The following NUPR1 variants were observed in gnomAD, a reference collection of about 807,000 sequenced individuals.
NUPR1 encodes nuclear protein 1, transcriptional regulator.
A neutral mutation model predicts 7.3 loss-of-function variants in NUPR1; 8 were observed. That is an observed-to-expected ratio of 1.09 (90% CI 0.64 to 1.97). NUPR1 has a LOEUF of 1.97. Ranked by LOEUF, NUPR1 falls within the 30% of genes most tolerant of loss-of-function variation. The probability of loss-of-function intolerance (pLI) is 0.00; values close to 1 mark genes in which losing one functional copy is unlikely to be tolerated. For missense variants in NUPR1, 96 were observed against 111.7 expected (o/e 0.86, Z 0.63); for synonymous variants, 39 against 44.5 (o/e 0.88, Z 0.49).
chr16:28,535,623 C>CTTTCTTTCTTT lies in NUPR1; in HGVS notation c.*2059_*2060insAAAGAAAGAAA, dbSNP rs58048043. 2.2e-5 allele frequency: 2 copies of CTTTCTTTCTTT among 90,772 alleles called. No homozygotes were observed. The highest frequency in any genetic ancestry group is 9.8e-5 in the African/African-American group (2 of 20,370). 5.6% of individuals were successfully genotyped at this position (90,772 alleles called of 1,614,324 possible). On this transcript the variant is annotated 3_prime_UTR_variant, in exon 3 of 3. Coordinates refer to ENST00000324873, the MANE Select transcript of NUPR1 (RefSeq NM_012385.3). ...TTCTTTCTTTCTTTCTTTCTTTCTT[C>CTTTCTTTCTTT]TCTTTCTCTCTCTTTCTTCTTTTTC... is the stretch of plus-strand genomic sequence containing the variant.
rs2046615600 is a variant in NUPR1, at chr16:28,535,614, T to C, written c.*2069A>G. 1.1e-4 allele frequency: 1 copy of C among 9,046 alleles called. No individual in the cohort carries two copies. Among genetic ancestry groups the C allele is most frequent in the African/African-American group, 1.5e-4 (1 of 6,632 alleles). 0.6% of individuals were successfully genotyped at this position (9,046 alleles called of 1,614,324 possible). The stretch of plus-strand genomic sequence containing the variant: ...TTTCTTTCTTTCTTTCTTTCTTTCT[T>C]TCTTTCTTCTCTTTCTCTCTCTTTC... On this transcript the variant is annotated 3_prime_UTR_variant, in exon 3 of 3. Transcript: ENST00000324873.
At chr16:28,538,721 G>T (rs2046643273) in intron 1 of NUPR1, 75 bp downstream of exon 1, 1 of 1,118,232 alleles carries the variant, frequency 8.9e-7, no homozygotes, top group Non-Finnish European at 1.4e-6. Flanking sequence ...GAAAGGAAAT[G>T]AGAGGAAACA....
chr16:28,538,592 C>G (rs2046642259), intron 1 of NUPR1: 1 of 674,292 alleles, frequency 1.5e-6, no homozygotes, highest in African/African-American at 1.8e-5. Flanking sequence ...ATCACTTGAG[C>G]CCAGGAGTTC....
In NUPR1 at chr16:28,535,520, T is replaced by C. The variant is rs1163506684; in HGVS notation, c.*2163A>G. ...GCTCGCTCTTTTCTTTCTTTCTTTC[T>C]TTCTTTCTTTCTTTCTTTCTTTCCT... On this transcript the variant is annotated 3_prime_UTR_variant, in exon 3 of 3. Coordinates refer to ENST00000324873, the MANE Select transcript of NUPR1 (RefSeq NM_012385.3). The C allele has an allele frequency of 2.9e-5, 2 of 68,182 alleles. No individual in the cohort carries two copies. Among genetic ancestry groups the C allele is most frequent in the African/African-American group, 4.9e-5 (1 of 20,232 alleles). 4.2% of individuals were successfully genotyped at this position (68,182 alleles called of 1,614,324 possible).
chr16:28,538,935 C>A lies in NUPR1; in HGVS notation c.-28G>T. The A allele has an allele frequency of 6.3e-7, 1 of 1,575,428 alleles. No individual in the cohort carries two copies. The highest frequency in any genetic ancestry group is 1.1e-5 in the South Asian group (1 of 89,946). On this transcript the variant is annotated 5_prime_UTR_variant, in exon 1 of 3. Coordinates refer to ENST00000324873, the MANE Select transcript of NUPR1 (RefSeq NM_012385.3). ...TGCCTGGCTTGTCTTCCCTGCCTCT[C>A]TTCTTCTCCTAACGCTTTGTCTGTC...
In NUPR1 at chr16:28,538,822, A is replaced by T. The variant is rs2151634831; in HGVS notation, c.86T>A (p.Leu29His). The T allele has an allele frequency of 6.2e-7, 1 of 1,612,150 alleles. No homozygotes were observed. Among genetic ancestry groups the T allele is most frequent in the South Asian group, 1.1e-5 (1 of 91,014 alleles). ...GAGGTAGGAATGGGCCAGGCTATAG[A>T]GGTCAGATTCATCCAGGCTGGAGTC... ...DEDSSLDESDLYSLAHSYLGG... is the reference protein window; with the variant it reads ...DEDSSLDESDHYSLAHSYLGG... Residue 29 changes from leucine (L) to histidine (H), a missense_variant, in exon 1 of 3, where the codon CTC becomes CAC. Transcript: ENST00000324873.
At position 28,537,332 on chromosome 16, in the gene NUPR1, C is replaced by T. The variant is rs1380302153; in HGVS notation, c.*351G>A. ...AAGCACACACATGCCCGAACAAAAA[C>T]ACACAAAGAACAAGGATGAACACAC... On this transcript the variant is annotated 3_prime_UTR_variant, in exon 3 of 3. Transcript: ENST00000324873. 1 of 152,336 alleles carries T rather than the reference C, an allele frequency of 6.6e-6. No homozygotes were observed. Among genetic ancestry groups the T allele is most frequent in the Non-Finnish European group, 1.5e-5 (1 of 68,104 alleles). 9.4% of individuals were successfully genotyped at this position (152,336 alleles called of 1,614,324 possible).
intron 1 of NUPR1, 62 bp from the exon 2 acceptor site, chr16:28,538,217 A>G (rs762067434): frequency 8.3e-5 from 133 of 1,610,526 alleles, no homozygotes; most frequent in Non-Finnish European, 1.1e-4. Context: ...GCCCTGTCAG[A>G]GGAGAGGCAG....
rs925133488 is a variant in NUPR1, at chr16:28,537,128, T to C, written c.*555A>G. 15 of 152,172 alleles carry C rather than the reference T, an allele frequency of 9.9e-5. No homozygotes were observed. The highest frequency in any genetic ancestry group is 3.6e-4 in the African/African-American group (15 of 41,398). 9.4% of individuals were successfully genotyped at this position (152,172 alleles called of 1,614,324 possible). On this transcript the variant is annotated 3_prime_UTR_variant, in exon 3 of 3. Transcript: ENST00000324873. ...GCAGAAGAAATTCCTTTCCACTACGTAGGAGCCCACAGAAATGTATGCACT... is the reference window on the plus strand; with the variant it reads ...GCAGAAGAAATTCCTTTCCACTACGCAGGAGCCCACAGAAATGTATGCACT...
Position 28,535,568 on chromosome 16 carries a change from C to CTTCTTTCT in NUPR1, c.*2114_*2115insAGAAAGAA, listed in dbSNP as rs1596586532. ...CCTTCTTTCTTTCTTTCTTTCCTTC[C>CTTCTTTCT]TTCCTTTCTTTCTTTCTTTCTTTCT... On this transcript the variant is annotated 3_prime_UTR_variant, in exon 3 of 3. Transcript: ENST00000324873. 6 of 34,998 alleles carry CTTCTTTCT rather than the reference C, an allele frequency of 1.7e-4. No homozygotes were observed. Among genetic ancestry groups the CTTCTTTCT allele is most frequent in the East Asian group, 7.6e-4 (1 of 1,318 alleles). 2.2% of individuals were successfully genotyped at this position (34,998 alleles called of 1,614,324 possible). A position where few individuals can be genotyped will look rare whatever the true frequency, so the allele number is the denominator to read the frequency against.
chr16:28,537,810 C>T (rs1276614655), intron 2 of NUPR1, 141 bp from the exon 3 acceptor site: 8 of 543,818 alleles, frequency 1.5e-5, no homozygotes, highest in Non-Finnish European at 2.6e-5. Context: ...GTCAAATTTC[C>T]CTTCAATTGG....
At position 28,535,596 on chromosome 16, in the gene NUPR1, CTTT is replaced by C. The variant is rs1567277637; in HGVS notation, c.*2084_*2086del. ...CCTTTCTTTCTTTCTTTCTTTCTTT[CTTT>C]CTTTCTTTCTTTCTTTCTTTCTTCT... On this transcript the variant is annotated 3_prime_UTR_variant, in exon 3 of 3. Coordinates refer to ENST00000324873, the MANE Select transcript of NUPR1 (RefSeq NM_012385.3). The C allele has an allele frequency of 1.2e-3, 52 of 42,470 alleles. No homozygotes were observed. The highest frequency in any genetic ancestry group is 7.5e-3 in the African/African-American group (49 of 6,546). The allele number at this position is 42,470 out of a possible 1,614,324, so 2.6% of individuals were successfully genotyped here.
In NUPR1 at chr16:28,535,947, G is replaced by A. The variant is rs2046619271; in HGVS notation, c.*1736C>T. 6.6e-6 allele frequency: 1 copy of A among 152,152 alleles called. No individual in the cohort carries two copies. The highest frequency in any genetic ancestry group is 2.4e-5 in the African/African-American group (1 of 41,448). The allele number at this position is 152,152 out of a possible 1,614,324, so 9.4% of individuals were successfully genotyped here. A position where few individuals can be genotyped will look rare whatever the true frequency, so the allele number is the denominator to read the frequency against. Reference sequence around the variant, plus strand: ...GCTGGTCTCGAACTCCTGGCCTCAAGCGATCCTCCCTCCTTGGCCTCCCAA... The same window carrying A: ...GCTGGTCTCGAACTCCTGGCCTCAAACGATCCTCCCTCCTTGGCCTCCCAA... On this transcript the variant is annotated 3_prime_UTR_variant, in exon 3 of 3. Coordinates refer to ENST00000324873, the MANE Select transcript of NUPR1 (RefSeq NM_012385.3).
rs180814986 is a variant in NUPR1, at chr16:28,534,396, T to C, written c.*3287A>G. ...TCCTGCTCTATCAGGTACTTCGGTC[T>C]TCTGTGGATGTCCTTGGGTCCCCAT... On this transcript the variant is annotated 3_prime_UTR_variant, in exon 3 of 3. Transcript: ENST00000324873. 9.4e-3 allele frequency: 1,438 copies of C among 152,396 alleles called. 7 individuals are homozygous for C. The highest frequency in any genetic ancestry group is 0.013 in the South Asian group (64 of 4,826). 9.4% of individuals were successfully genotyped at this position (152,396 alleles called of 1,614,324 possible). A position where few individuals can be genotyped will look rare whatever the true frequency, so the allele number is the denominator to read the frequency against.
rs894954484 is a variant in NUPR1, at chr16:28,538,913, C to T, written c.-6G>A. The stretch of plus-strand genomic sequence containing the variant: ...GCTGGTGGGAAGGTGGCCATCGTGC[C>T]TGGCTTGTCTTCCCTGCCTCTCTTC... On this transcript the variant is annotated 5_prime_UTR_variant, in exon 1 of 3. Coordinates refer to ENST00000324873, the MANE Select transcript of NUPR1 (RefSeq NM_012385.3). 6.2e-7 allele frequency: 1 copy of T among 1,610,076 alleles called. No homozygotes were observed. Among genetic ancestry groups the T allele is most frequent in the South Asian group, 1.1e-5 (1 of 90,928 alleles).
In NUPR1 at chr16:28,536,387, G is replaced by A. The variant is rs1373151259; in HGVS notation, c.*1296C>T. On this transcript the variant is annotated 3_prime_UTR_variant, in exon 3 of 3. Transcript: ENST00000324873. ...AAAAAACAAAAATTAGCCAGGCGTGGTGGTGCTCACCTGTAATCCCAGCTA... is the reference window on the plus strand; with the variant it reads ...AAAAAACAAAAATTAGCCAGGCGTGATGGTGCTCACCTGTAATCCCAGCTA... The A allele has an allele frequency of 6.6e-6, 1 of 152,012 alleles. No homozygotes were observed. Among genetic ancestry groups the A allele is most frequent in the African/African-American group, 2.4e-5 (1 of 41,404 alleles). 9.4% of individuals were successfully genotyped at this position (152,012 alleles called of 1,614,324 possible). A position where few individuals can be genotyped will look rare whatever the true frequency, so the allele number is the denominator to read the frequency against.
Position 28,536,280 on chromosome 16 carries a change from G to A in NUPR1, c.*1403C>T, listed in dbSNP as rs1431023429. ...AAGCAGGAGAATAGCTTGAACCCAGGAGGCGGAGGTTGCAGTGAGCTGCGA... is the reference window on the plus strand; with the variant it reads ...AAGCAGGAGAATAGCTTGAACCCAGAAGGCGGAGGTTGCAGTGAGCTGCGA... On this transcript the variant is annotated 3_prime_UTR_variant, in exon 3 of 3. Coordinates refer to ENST00000324873, the MANE Select transcript of NUPR1 (RefSeq NM_012385.3). 1 of 152,194 alleles carries A rather than the reference G, an allele frequency of 6.6e-6. No individual in the cohort carries two copies. Among genetic ancestry groups the A allele is most frequent in the African/African-American group, 2.4e-5 (1 of 41,428 alleles). The allele number at this position is 152,194 out of a possible 1,614,324, so 9.4% of individuals were successfully genotyped here.
chr16:28,535,113 C>T lies in NUPR1; in HGVS notation c.*2570G>A, dbSNP rs1484805505. On this transcript the variant is annotated 3_prime_UTR_variant, in exon 3 of 3. Transcript: ENST00000324873. ...GACATAGCACTGAATAAGAATCTCCCTCCCCCATCTCACTTCCCAGAACCC... is the reference window on the plus strand; with the variant it reads ...GACATAGCACTGAATAAGAATCTCCTTCCCCCATCTCACTTCCCAGAACCC... 6.6e-6 allele frequency: 1 copy of T among 152,184 alleles called. No individual in the cohort carries two copies. Among genetic ancestry groups the T allele is most frequent in the African/African-American group, 2.4e-5 (1 of 41,434 alleles). The allele number at this position is 152,184 out of a possible 1,614,324, so 9.4% of individuals were successfully genotyped here. A position where few individuals can be genotyped will look rare whatever the true frequency, so the allele number is the denominator to read the frequency against.
chr16:28,538,286 G>C, intron 1 of NUPR1, 131 bp from the exon 2 acceptor site: 1 of 1,365,142 alleles, frequency 7.3e-7, no homozygotes, highest in Non-Finnish European at 1.0e-6. Context: ...CCCCTCTGTG[G>C]AATGTGGGAC....
Sources: allele counts gnomAD v4.1 joint callset, GRCh38; gene constraint gnomAD v4.1.1; transcripts MANE v1.5; gene names NCBI Gene and HGNC (gene_info 2026-07-23, HGNC 2026-07-21).